The following SNRPN variants were observed in gnomAD, a reference collection of about 807,000 sequenced individuals.
The protein encoded by SNRPN is small nuclear ribonucleoprotein polypeptide N.
SNRPN carries 7 observed loss-of-function variants against 25.2 expected under a neutral mutation model. The observed-to-expected ratio is 0.28, with a 90% confidence interval of 0.16 to 0.52. The LOEUF (loss-of-function observed/expected upper bound fraction) is 0.52. Among genes scored for constraint, SNRPN ranks in the 20% least tolerant of loss-of-function variants. The pLI is 0.96. For synonymous variants in SNRPN, 124 were observed against 110.6 expected (o/e 1.12, Z -0.76); for missense variants, 196 against 322.5 (o/e 0.61, Z 3.00).
At chr15:24,846,784 T>G (rs185656497) in intron 2 of SNRPN, among the ~76,000 whole-genome samples, 1 of 152,332 alleles carries the variant, frequency 6.6e-6, no homozygotes, top group African/African-American at 2.4e-5. Context: ...AATTTTGTTC[T>G]GTGTCAATAA....
intron 7 of SNRPN, among the ~76,000 whole-genome samples, 199 bp downstream of exon 7, chr15:24,977,228 G>T (rs2153708036): frequency 6.6e-6 from 1 of 152,294 alleles, no homozygotes; most frequent in South Asian, 2.1e-4. Flanking sequence ...AGTTACCCAG[G>T]TTACTCTTGG....
chr15:24,835,099 T>A lies in SNRPN; in HGVS notation c.-579+5194T>A. Among the ~76,000 whole-genome samples the A allele has an allele frequency of 2.3e-4, 4 of 17,768 alleles. 2 individuals carry two copies. The highest frequency in any genetic ancestry group is 5.9e-4 in the Non-Finnish European group (4 of 6,770). The allele number at this position is 17,768 out of a possible 152,430, so 11.7% of individuals were successfully genotyped here. A position where few individuals can be genotyped will look rare whatever the true frequency, so the allele number is the denominator to read the frequency against. ...TATATCTATATATAAAATATATAGA[T>A]ATATATACTATATATCTATATATAA... is the stretch of plus-strand genomic sequence containing the variant. On this transcript the variant is annotated intron_variant, in intron 2 of 12. Transcript: ENST00000400100.
rs915738481 is a variant in SNRPN at position 24,909,340 on chromosome 15, A to G, written c.-504-10671A>G. On this transcript the variant is annotated intron_variant, in intron 2 of 11. Coordinates refer to the SNRPN transcript ENST00000400097. ...CTCCATCCACAGCTCCCTTCAGGGCACCAAAAACTTTATTGCCAGTGGTAG... is the reference window on the plus strand; with the variant it reads ...CTCCATCCACAGCTCCCTTCAGGGCGCCAAAAACTTTATTGCCAGTGGTAG... The G allele has an allele frequency of 8.1e-6, 13 of 1,602,816 alleles. No homozygotes were observed. In the Admixed American group the frequency reaches 1.5e-4, roughly 18 times the overall value.
At chr15:24,872,773 G>A (rs1313624865) in intron 1 of SNRPN, among the ~76,000 whole-genome samples, 1 of 108,362 alleles carries the variant, frequency 9.2e-6, no homozygotes, top group Non-Finnish European at 2.0e-5. Context: ...AAAAAAGCTG[G>A]GTGCGGTGGC....
intron 2 of SNRPN, among the ~76,000 whole-genome samples, chr15:24,963,139 C>T (rs925315962): frequency 1.3e-5 from 2 of 151,992 alleles, no homozygotes; most frequent in African/African-American, 4.8e-5. Flanking sequence ...CATACGACAC[C>T]GTGCTGTCTG....
At chr15:24,962,066 A>G in intron 1 of SNRPN, 48 bp from the exon 2 acceptor site, 3 of 1,416,598 alleles carry the variant, frequency 2.1e-6, no homozygotes, top group African/African-American at 1.4e-5. Context: ...TAGTTATTTC[A>G]TAGATTGATG....
chr15:24,878,786 A>T (rs929766221), intron 1 of SNRPN, among the ~76,000 whole-genome samples: 4 of 152,134 alleles, frequency 2.6e-5, no homozygotes, highest in Non-Finnish European at 5.9e-5. Flanking sequence ...AATCCTTTTC[A>T]AAAATACTGA....
chr15:24,929,278 C>T lies in SNRPN; in HGVS notation c.-391+9154C>T, dbSNP rs978126537. Among the ~76,000 whole-genome samples, 7 of 152,194 alleles carry T rather than the reference C, an allele frequency of 4.6e-5. No individual in the cohort carries two copies. The highest frequency in any genetic ancestry group is 1.7e-4 in the African/African-American group (7 of 41,512). On this transcript the variant is annotated intron_variant, in intron 3 of 11. Transcript: ENST00000400097. The surrounding 1 kb of genome is among the most constrained non-coding windows in gnomAD (Gnocchi z 5.3). ...CCTTCCTATTTGTAGAGCTTCCTTC[C>T]ACATTAAGAACCCTCTCTCCCAGTG...
At chr15:24,912,643 A>G (rs911563251) in intron 2 of SNRPN, 2 of 152,206 alleles carry the variant, frequency 1.3e-5, no homozygotes, top group African/African-American at 4.8e-5. Context: ...AACAGTATTA[A>G]GAGGTTTGGC....
intron 1 of SNRPN, among the ~76,000 whole-genome samples, chr15:24,881,596 AGAGAGAGAGAGAGAGAGAGAGAG>A (rs756006354): frequency 0.052 from 3,656 of 69,666 alleles, 98 homozygotes; most frequent in South Asian, 0.17. Flanking sequence ...AGAGAGAGAG[AGAGAGAGAGAGAGAGAGAGAGAG>A]AAAGTCACAG....
At chr15:24,877,763 A>G (rs2056121646) in intron 1 of SNRPN, among the ~76,000 whole-genome samples, 1 of 152,190 alleles carries the variant, frequency 6.6e-6, no homozygotes, top group Admixed American at 6.6e-5. Context: ...GGGGCAGGAG[A>G]ATCGCTTGAA....
At chr15:24,974,680 G>T in intron 4 of SNRPN, 1 of 621,598 alleles carries the variant, frequency 1.6e-6, no homozygotes, top group African/African-American at 1.8e-5. Flanking sequence ...GAGTGCAGTG[G>T]TGCGGTCTTG....
intron 1 of SNRPN, among the ~76,000 whole-genome samples, chr15:24,829,468 G>A (rs960120916): frequency 7.2e-5 from 11 of 152,078 alleles, no homozygotes; most frequent in African/African-American, 2.7e-4. Flanking sequence ...GGACCACTGG[G>A]ATGAGTAATA....
At chr15:24,856,683 G>T (rs960867673) in exon 1 of SNRPN, 4 of 152,216 alleles carry the variant, frequency 2.6e-5, no homozygotes, top group African/African-American at 7.2e-5. Context: ...TCTGCTTGCT[G>T]ATCAAGAACA....
intron 2 of SNRPN, among the ~76,000 whole-genome samples, chr15:24,892,703 C>G (rs1011358965): frequency 1.3e-5 from 2 of 151,422 alleles, no homozygotes; most frequent in East Asian, 3.9e-4. Context: ...CACCACTGTA[C>G]TTCAGTCTGG....
chr15:24,855,791 C>CAAAA (rs56081812), upstream of SNRPN, among the ~76,000 whole-genome samples: 9 of 71,974 alleles, frequency 1.3e-4, no homozygotes, highest in African/African-American at 3.9e-4. Flanking sequence ...GAATCTGTCT[C>CAAAA]AAAAAAAAAA....
chr15:24,855,538 C>G (rs2053304951), upstream of SNRPN, among the ~76,000 whole-genome samples: 1 of 151,986 alleles, frequency 6.6e-6, no homozygotes, highest in Non-Finnish European at 1.5e-5. Flanking sequence ...GCCTGTAATA[C>G]CAGCATTTTG....
chr15:24,926,970 C>T (rs2152749777), intron 3 of SNRPN, among the ~76,000 whole-genome samples: 1 of 152,222 alleles, frequency 6.6e-6, no homozygotes, highest in Non-Finnish European at 1.5e-5. Context: ...ATGATCACAC[C>T]ACTGCACTCC....
At chr15:24,956,744 G>A (rs148509876) in intron 1 of SNRPN, among the ~76,000 whole-genome samples, 157 of 152,340 alleles carry the variant, frequency 1.0e-3, no homozygotes, top group Admixed American at 1.8e-3. Context: ...CGCCTAGCAA[G>A]CTTGGCAGCC....
Sources: allele counts gnomAD v4.1 joint callset (sites outside exome capture counted in the v4.1 genomes callset), GRCh38; gene constraint gnomAD v4.1.1; non-coding constraint Gnocchi (gnomAD v3.1); transcripts MANE v1.5; gene names NCBI Gene and HGNC (gene_info 2026-07-23, HGNC 2026-07-21).